Variants in SUGCT observed in about 807,000 individuals in gnomAD.
SUGCT encodes succinyl-CoA:glutarate-CoA transferase.
Under a neutral mutation model 55.0 loss-of-function variants are expected in SUGCT, and 41 were observed. That is an observed-to-expected ratio of 0.74 (90% CI 0.58 to 0.97). SUGCT has a LOEUF of 0.97. SUGCT is among the 50% of genes least tolerant of loss of function. The probability of loss-of-function intolerance (pLI) is 0.00; values close to 1 mark genes in which losing one functional copy is unlikely to be tolerated. For missense variants in SUGCT, 568 were observed against 547.8 expected (o/e 1.04, Z -0.37); for synonymous variants, 187 against 200.4 (o/e 0.93, Z 0.56).
At chr7:40,538,480 G>A (rs184207965) in intron 12 of SUGCT, 1 of 152,186 alleles carries the variant, frequency 6.6e-6, no homozygotes, top group East Asian at 1.9e-4. Flanking sequence ...TCCTAAAATG[G>A]TCTCAATTAG....
At chr7:41,004,815 A>G in the SUGCT span, among the ~76,000 whole-genome samples, 1 of 148,414 alleles carries the variant, frequency 6.7e-6, no homozygotes, top group Non-Finnish European at 1.5e-5. Flanking sequence ...AAAAAAAAAA[A>G]TAACTGGCAT....
intron 1 of SUGCT, among the ~76,000 whole-genome samples, chr7:40,167,141 C>T (rs994571680): frequency 2.2e-4 from 33 of 152,056 alleles, no homozygotes; most frequent in Admixed American, 2.1e-3. Context: ...ATTCAGTGTC[C>T]GTCAACAGCT....
intron 13 of SUGCT, among the ~76,000 whole-genome samples, chr7:40,794,444 A>G (rs895645909): frequency 3.9e-5 from 6 of 152,088 alleles, no homozygotes; most frequent in African/African-American, 1.4e-4. Flanking sequence ...CATGAGATGT[A>G]TTTTATTTAT....
intron 12 of SUGCT, among the ~76,000 whole-genome samples, chr7:40,550,632 C>A (rs1349576358): frequency 6.6e-6 from 1 of 152,176 alleles, no homozygotes; most frequent in Non-Finnish European, 1.5e-5. Flanking sequence ...TAATCATATG[C>A]TATGGCAAAA....
chr7:40,937,099 T>C, the SUGCT span, among the ~76,000 whole-genome samples: 1 of 152,218 alleles, frequency 6.6e-6, no homozygotes, highest in Non-Finnish European at 1.5e-5. Flanking sequence ...TAGATGTCTG[T>C]TAGGTGTAGT....
At chr7:40,425,737 A>G (rs1234075722) in intron 9 of SUGCT, among the ~76,000 whole-genome samples, 1 of 152,116 alleles carries the variant, frequency 6.6e-6, no homozygotes, top group Admixed American at 6.6e-5. Flanking sequence ...TTGATAATGG[A>G]TATTGTGATC....
At chr7:40,322,770 T>C (rs1243085509) in intron 9 of SUGCT, among the ~76,000 whole-genome samples, 1 of 151,972 alleles carries the variant, frequency 6.6e-6, no homozygotes, top group Non-Finnish European at 1.5e-5. Context: ...CTGGGCAACA[T>C]AGTGAGACCT....
intron 12 of SUGCT, among the ~76,000 whole-genome samples, chr7:40,558,028 G>A (rs1446779234): frequency 1.3e-5 from 2 of 151,506 alleles, no homozygotes; most frequent in Non-Finnish European, 2.9e-5. Flanking sequence ...CACATTATTA[G>A]TCATTAAGGA....
intron 13 of SUGCT, among the ~76,000 whole-genome samples, chr7:40,823,149 A>C (rs1792115874): frequency 6.6e-6 from 1 of 152,110 alleles, no homozygotes; most frequent in South Asian, 2.1e-4. Context: ...CTTAGTAATG[A>C]TTTACCATAC....
At chr7:40,838,687 TCTGCAAA>T (rs571239527) in intron 13 of SUGCT, among the ~76,000 whole-genome samples, 20 of 152,320 alleles carry the variant, frequency 1.3e-4, no homozygotes, top group Admixed American at 3.9e-4. Flanking sequence ...AACCATGCTA[TCTGCAAA>T]TAAGGACAAT....
chr7:40,257,043 C>CTATTTT (rs951701616), intron 7 of SUGCT, among the ~76,000 whole-genome samples: 8 of 151,916 alleles, frequency 5.3e-5, no homozygotes, highest in Non-Finnish European at 1.0e-4. Flanking sequence ...TGCGCCCAGC[C>CTATTTT]TATTTTTATT....
chr7:40,287,034 G>A (rs1051087208), intron 8 of SUGCT, among the ~76,000 whole-genome samples: 7 of 152,114 alleles, frequency 4.6e-5, no homozygotes, highest in Admixed American at 6.6e-5. Flanking sequence ...AAAGAGTGCC[G>A]TGATTATTAT....
intron 13 of SUGCT, among the ~76,000 whole-genome samples, chr7:40,755,460 G>C (rs1298700094): frequency 6.6e-6 from 1 of 152,196 alleles, no homozygotes; most frequent in Non-Finnish European, 1.5e-5. Context: ...CACCTTATTT[G>C]TGACTTTAGT....
At chr7:41,025,501 C>G in the SUGCT span, among the ~76,000 whole-genome samples, 1 of 151,916 alleles carries the variant, frequency 6.6e-6, no homozygotes, top group Non-Finnish European at 1.5e-5. Context: ...TCCCGAGTAG[C>G]TGGAACTACA....
At chr7:40,478,626 C>G (rs1370024756) in intron 11 of SUGCT, among the ~76,000 whole-genome samples, 1 of 152,132 alleles carries the variant, frequency 6.6e-6, no homozygotes, top group Non-Finnish European at 1.5e-5. Context: ...TCACCACAAT[C>G]AAGCTAATAT....
chr7:40,899,254 C>T, the SUGCT span, among the ~76,000 whole-genome samples: 47 of 152,200 alleles, frequency 3.1e-4, no homozygotes, highest in Middle Eastern at 6.3e-3. Context: ...CTCACCAACC[C>T]TGACTGGCAG....
At chr7:40,720,000 G>A (rs960175485) in intron 12 of SUGCT, among the ~76,000 whole-genome samples, 2 of 152,072 alleles carry the variant, frequency 1.3e-5, no homozygotes, top group African/African-American at 4.8e-5. Flanking sequence ...TGGCCAGGCT[G>A]GTCTCGATCT....
intron 12 of SUGCT, among the ~76,000 whole-genome samples, chr7:40,629,668 A>G (rs537196064): frequency 2.0e-5 from 3 of 152,114 alleles, no homozygotes; most frequent in African/African-American, 7.2e-5. Flanking sequence ...AGGGAAAGTT[A>G]TTGTTCAGAA....
the SUGCT span, among the ~76,000 whole-genome samples, chr7:40,897,415 CAAT>C: frequency 8.0e-6 from 1 of 124,540 alleles, no homozygotes; most frequent in Non-Finnish European, 1.7e-5. Context: ...AATTATACCT[CAAT>C]AAAGCTGGAC....
Sources: gnomAD v4.1 joint callset for allele counts (sites outside exome capture counted in the v4.1 genomes callset) on GRCh38, gnomAD v4.1.1 for gene constraint, MANE v1.5 for transcripts, NCBI Gene and HGNC (gene_info 2026-07-23, HGNC 2026-07-21) for gene names.